The following CNTNAP2 variants were observed in gnomAD, a reference collection of about 807,000 sequenced individuals.
CNTNAP2 encodes the protein contactin-associated protein-like 2.
CNTNAP2 carries 98 observed loss-of-function variants against 155.2 expected under a neutral mutation model. That is an observed-to-expected ratio of 0.63 (90% CI 0.54 to 0.75). CNTNAP2 has a LOEUF of 0.75. Ranked by LOEUF, CNTNAP2 falls within the 30% of genes least tolerant of loss-of-function variation. CNTNAP2 has a pLI of 0.00. For synonymous variants in CNTNAP2, 651 were observed against 631.2 expected, an observed-to-expected ratio of 1.03 and a Z score of -0.47; for missense variants, 1,727 against 1,688.1, an observed-to-expected ratio of 1.02 and a Z score of -0.40.
At chr7:147,593,211 TA>T (rs939637782) in intron 12 of CNTNAP2, among the ~76,000 whole-genome samples, 6 of 139,254 alleles carry the variant, frequency 4.3e-5, no homozygotes, top group African/African-American at 1.6e-4. Context: ...GACCTTCCCT[TA>T]TTTTTTTTTT....
At chr7:146,763,410 T>C (rs1802139305) in intron 1 of CNTNAP2, among the ~76,000 whole-genome samples, 1 of 152,160 alleles carries the variant, frequency 6.6e-6, no homozygotes, top group African/African-American at 2.4e-5. Flanking sequence ...CTTCCTGTCA[T>C]GCCCTATTTT....
intron 3 of CNTNAP2, among the ~76,000 whole-genome samples, chr7:146,869,229 G>T (rs1406772810): frequency 1.3e-5 from 2 of 152,090 alleles, no homozygotes; most frequent in Non-Finnish European, 2.9e-5. Flanking sequence ...ACATGAAGTG[G>T]TGTTAAATTT....
chr7:146,423,659 G>A (rs1282907344), intron 1 of CNTNAP2, among the ~76,000 whole-genome samples: 2 of 152,202 alleles, frequency 1.3e-5, no homozygotes, highest in African/African-American at 2.4e-5. Context: ...AATGCTCTGC[G>A]TCATGCAGAT....
In CNTNAP2 at chr7:147,046,656, A is replaced by G. The variant is rs189058512; in HGVS notation, c.550+2602A>G. Among the ~76,000 whole-genome samples the G allele has an allele frequency of 1.3e-3, 196 of 152,252 alleles. 1 individual carries two copies. The East Asian group carries it at 0.023, about 18-fold the overall frequency. ...GGCCAATAACAACACAAATTTTTCT[A>G]ATTTGGTTATATCAATTTAAAGTCT... On this transcript the variant is annotated intron_variant, in intron 4 of 23. Transcript: ENST00000361727.
At chr7:147,083,285 CTG>C (rs1239998868) in intron 4 of CNTNAP2, 1 of 152,064 alleles carries the variant, frequency 6.6e-6, no homozygotes, top group Admixed American at 6.6e-5. Context: ...TCGGCAAACA[CTG>C]TCTGCTACAG....
In CNTNAP2 at chr7:147,791,968, A is replaced by C. The variant is rs531864518; in HGVS notation, c.2099-111597A>C. On this transcript the variant is annotated intron_variant, in intron 13 of 23. Transcript: ENST00000361727. Reference sequence around the variant, plus strand: ...AGCGGCTTGGCCCAGAAACCACACAAATGGGCCTTGTTGTTCCAAGGTGGG... The same window carrying C: ...AGCGGCTTGGCCCAGAAACCACACACATGGGCCTTGTTGTTCCAAGGTGGG... 1.1e-4 allele frequency among the ~76,000 whole-genome samples: 16 copies of C among 152,242 alleles called. No homozygotes were observed. In the South Asian group the frequency reaches 3.1e-3, roughly 30 times the overall value.
At chr7:146,946,655 C>G (rs1448950986) in intron 3 of CNTNAP2, among the ~76,000 whole-genome samples, 2 of 152,086 alleles carry the variant, frequency 1.3e-5, no homozygotes, top group East Asian at 3.8e-4. Context: ...TCATGTATAA[C>G]TAGGCTCAAA....
intron 20 of CNTNAP2, among the ~76,000 whole-genome samples, chr7:148,254,154 C>T (rs1563013244): frequency 6.6e-6 from 1 of 152,124 alleles, no homozygotes; most frequent in East Asian, 1.9e-4. Flanking sequence ...ATTTAACAGT[C>T]AGAGTAGCCA....
At chr7:147,495,595 A>G (rs1031007682) in intron 11 of CNTNAP2, among the ~76,000 whole-genome samples, 16 of 152,198 alleles carry the variant, frequency 1.1e-4, no homozygotes, top group Non-Finnish European at 2.4e-4. Flanking sequence ...GATGACAGCC[A>G]TGGTTATAAA....
At chr7:146,411,050 T>C (rs997847972) in intron 1 of CNTNAP2, among the ~76,000 whole-genome samples, 100 of 152,290 alleles carry the variant, frequency 6.6e-4, no homozygotes, top group African/African-American at 2.1e-3. Flanking sequence ...TAGGCTATTG[T>C]GAAAAATGCA....
rs10673467 is a variant in CNTNAP2, at chr7:146,550,401, G to GTTTTTTTTTTTTTTT, written c.98-223856_98-223842dup. Among the ~76,000 whole-genome samples, 40 of 54,384 alleles carry GTTTTTTTTTTTTTTT rather than the reference G, an allele frequency of 7.4e-4. 13 individuals carry two copies. Among genetic ancestry groups the GTTTTTTTTTTTTTTT allele is most frequent in the African/African-American group, 2.8e-3 (39 of 14,082 alleles). 35.7% of individuals were successfully genotyped at this position (54,384 alleles called of 152,430 possible). A position where few individuals can be genotyped will look rare whatever the true frequency, so the allele number is the denominator to read the frequency against. On this transcript the variant is annotated intron_variant, in intron 1 of 23. Transcript: ENST00000361727. ...TTATAGCAGTGAGGTCCATTAATCT[G>GTTTTTTTTTTTTTTT]TTTTTTTTTTTTTTTTTTTTTTTTT... is the stretch of plus-strand genomic sequence containing the variant.
chr7:147,114,732 C>T (rs1299587917), intron 5 of CNTNAP2, among the ~76,000 whole-genome samples: 1 of 152,194 alleles, frequency 6.6e-6, no homozygotes, highest in East Asian at 1.9e-4. Flanking sequence ...CTCTTGAAGA[C>T]AGCATACCAT....
intron 3 of CNTNAP2, among the ~76,000 whole-genome samples, chr7:147,035,018 A>G (rs1446022228): frequency 6.6e-6 from 1 of 152,074 alleles, no homozygotes; most frequent in African/African-American, 2.4e-5. Flanking sequence ...TCTATCCAGC[A>G]CTTCTCTGCC....
At chr7:146,453,678 A>G (rs529438871) in intron 1 of CNTNAP2, among the ~76,000 whole-genome samples, 58 of 152,346 alleles carry the variant, frequency 3.8e-4, no homozygotes, top group African/African-American at 1.2e-3. Context: ...ATTGTATCCC[A>G]TATATTCAAG....
chr7:146,462,517 G>A (rs1796651924), intron 1 of CNTNAP2, among the ~76,000 whole-genome samples: 1 of 152,088 alleles, frequency 6.6e-6, no homozygotes, highest in South Asian at 2.1e-4. Context: ...AGCATCTCAG[G>A]ATACTAATCA....
intron 15 of CNTNAP2, among the ~76,000 whole-genome samples, chr7:148,023,875 C>T (rs1802328881): frequency 6.6e-6 from 1 of 152,054 alleles, no homozygotes; most frequent in Non-Finnish European, 1.5e-5. Flanking sequence ...TATGAATTTT[C>T]CTCCCAAATA....
At chr7:148,155,061 G>C (rs1382962642) in intron 17 of CNTNAP2, among the ~76,000 whole-genome samples, 1 of 152,194 alleles carries the variant, frequency 6.6e-6, no homozygotes, top group Non-Finnish European at 1.5e-5. Flanking sequence ...ACACCCCGGT[G>C]AACCCCAGGG....
chr7:146,952,010 C>T (rs959142420), intron 3 of CNTNAP2, among the ~76,000 whole-genome samples: 2 of 152,000 alleles, frequency 1.3e-5, no homozygotes, highest in African/African-American at 4.8e-5. Flanking sequence ...CCCTGATGAA[C>T]ATCGACACAA....
chr7:146,971,988 A>G (rs1275181250), intron 3 of CNTNAP2, among the ~76,000 whole-genome samples: 1 of 152,120 alleles, frequency 6.6e-6, no homozygotes, highest in African/African-American at 2.4e-5. Context: ...ATTTTCCCAT[A>G]TATGCTATTT....
Sources: gnomAD v4.1 joint callset for allele counts (sites outside exome capture counted in the v4.1 genomes callset) on GRCh38, gnomAD v4.1.1 for gene constraint, MANE v1.5 for transcripts, NCBI Gene and HGNC (gene_info 2026-07-23, HGNC 2026-07-21) for gene names.